The following TUBG1 variants were observed in gnomAD, a reference collection of about 807,000 sequenced individuals.
The protein encoded by TUBG1 is tubulin gamma-1 chain.
In TUBG1, 22 loss-of-function variants were observed where a neutral mutation model predicts 53.3. That is an observed-to-expected ratio of 0.41 (90% CI 0.29 to 0.59). TUBG1 has a LOEUF of 0.59. Ranked by LOEUF, TUBG1 falls within the 20% of genes least tolerant of loss-of-function variation. TUBG1 has a pLI of 0.26. For missense variants in TUBG1, 217 were observed against 598.9 expected (o/e 0.36, Z 6.66); for synonymous variants, 198 against 236.7 (o/e 0.84, Z 1.50).
intron 3 of TUBG1, among the ~76,000 whole-genome samples, 182 bp from the exon 4 acceptor site, chr17:42,611,893 T>C (rs1366887977): frequency 6.6e-6 from 1 of 152,190 alleles, no homozygotes; most frequent in Non-Finnish European, 1.5e-5. Context: ...CCAGGTAGTC[T>C]GGGTGTAGAG....
At position 42,610,503 on chromosome 17, in the gene TUBG1, C is replaced by A; in HGVS notation, c.243C>A (p.Pro81=). ...PRVIHSILNS[P]YAKLYNPENI... ...TGATCCACTCCATCCTCAACTCCCC[C>A]TATGCCAAGCTCTACAACCCAGAGA... is the stretch of plus-strand genomic sequence containing the variant. The change falls in exon 3 of 11, where the codon CCC becomes CCA. Residue 81 remains proline, a synonymous_variant. Coordinates refer to ENST00000251413, the MANE Select transcript of TUBG1 (RefSeq NM_001070.5). The A allele has an allele frequency of 6.2e-7, 1 of 1,613,986 alleles. No individual in the cohort carries two copies. Among genetic ancestry groups the A allele is most frequent in the Non-Finnish European group, 8.5e-7 (1 of 1,179,878 alleles).
intron 1 of TUBG1, 149 bp from the exon 2 acceptor site, chr17:42,609,959 C>G: frequency 7.8e-7 from 1 of 1,288,302 alleles, no homozygotes. Flanking sequence ...CTGCCCAGTC[C>G]CTGGCGTACA....
chr17:42,612,357 C>A, intron 4 of TUBG1, 70 bp from the exon 5 acceptor site: 1 of 1,554,206 alleles, frequency 6.4e-7, no homozygotes, highest in Non-Finnish European at 8.8e-7. Flanking sequence ...TCCTAAAAAA[C>A]TATGAGATGG....
At chr17:42,611,978 C>A in intron 3 of TUBG1, 97 bp from the exon 4 acceptor site, 1 of 1,099,320 alleles carries the variant, frequency 9.1e-7, no homozygotes, top group Non-Finnish European at 1.4e-6. Flanking sequence ...CATAAAAGGA[C>A]TTCTGGGTGT....
At position 42,614,840 on chromosome 17, in the gene TUBG1, C is replaced by T. The variant is rs547943769; in HGVS notation, c.1159-4C>T. 6.8e-5 allele frequency: 109 copies of T among 1,614,192 alleles called. 1 individual carries two copies. In the South Asian group the frequency reaches 1.1e-3, roughly 16 times the overall value. ...TGTAACCCCTGTTTTCTGCACACCC[C>T]AAGCTCTTCGAGAGAACCTGTCGCC... On this transcript the variant is annotated splice_region_variant and splice_polypyrimidine_tract_variant and intron_variant, in intron 10 of 10. Coordinates refer to ENST00000251413, the MANE Select transcript of TUBG1 (RefSeq NM_001070.5). This position sits in a 1 kb window ranked among gnomAD's most constrained non-coding sequence, Gnocchi z 5.1.
intron 2 of TUBG1, 56 bp from the exon 3 acceptor site, chr17:42,610,367 C>A: frequency 6.6e-7 from 1 of 1,512,770 alleles, no homozygotes; most frequent in South Asian, 1.2e-5. Flanking sequence ...GTTGGGAGGA[C>A]TTCGGACTTG....
intron 3 of TUBG1, among the ~76,000 whole-genome samples, 179 bp from the exon 4 acceptor site, chr17:42,611,896 G>A (rs746258309): frequency 6.6e-6 from 1 of 152,160 alleles, no homozygotes; most frequent in African/African-American, 2.4e-5. Flanking sequence ...GGTAGTCTGG[G>A]TGTAGAGTGC....
Position 42,612,060 on chromosome 17 carries a change from C to G in TUBG1, c.331-15C>G. 1.2e-6 allele frequency: 2 copies of G among 1,613,936 alleles called. No homozygotes were observed. Among genetic ancestry groups the G allele is most frequent in the Non-Finnish European group, 1.7e-6 (2 of 1,179,864 alleles). On this transcript the variant is annotated splice_polypyrimidine_tract_variant and intron_variant, in intron 3 of 10. Coordinates refer to ENST00000251413, the MANE Select transcript of TUBG1 (RefSeq NM_001070.5). ...TGGTTCTGTCCCACTCTGACCCTCCCCTATGTCTGTACAGGGAGAAAAGAT... is the reference window on the plus strand; with the variant it reads ...TGGTTCTGTCCCACTCTGACCCTCCGCTATGTCTGTACAGGGAGAAAAGAT...
intron 3 of TUBG1, among the ~76,000 whole-genome samples, chr17:42,611,760 G>A (rs556274226): frequency 6.6e-6 from 1 of 152,312 alleles, no homozygotes; most frequent in African/African-American, 2.4e-5. Flanking sequence ...GGAGGCTGAG[G>A]CAGGAGAATC....
In TUBG1 at chr17:42,614,977, T is replaced by C; in HGVS notation, c.1292T>C (p.Leu431Pro). 1 of 1,614,120 alleles carries C rather than the reference T, an allele frequency of 6.2e-7. No individual in the cohort carries two copies. Among genetic ancestry groups the C allele is most frequent in the Non-Finnish European group, 8.5e-7 (1 of 1,180,010 alleles). Residue 431 changes from leucine to proline, a missense_variant, in exon 11 of 11, where the codon CTC becomes CCC. By Grantham distance (98) the Leu-to-Pro change is moderately conservative (BLOSUM62 -3). This residue lies in a region of TUBG1 where 25 missense variants were observed against 32.4 expected (regional missense o/e 0.77). Transcript: ENST00000251413. This position sits in a 1 kb window ranked among gnomAD's most constrained non-coding sequence, Gnocchi z 5.1. Reference sequence around the variant, plus strand: ...ACATCCAGGGAGATTGTGCAGCAGCTCATCGATGAGTACCATGCGGCCACA... The same window carrying C: ...ACATCCAGGGAGATTGTGCAGCAGCCCATCGATGAGTACCATGCGGCCACA... ...MDTSREIVQQ[L>P]IDEYHAATRP... is the part of the protein sequence containing the mutation.
chr17:42,612,572 G>A, intron 5 of TUBG1, 66 bp downstream of exon 5: 1 of 1,436,834 alleles, frequency 7.0e-7, no homozygotes, highest in Non-Finnish European at 9.8e-7. Flanking sequence ...AGGGGACCCA[G>A]CAGATATAAC....
At position 42,614,458 on chromosome 17, in the gene TUBG1, A is replaced by G; in HGVS notation, c.997-38A>G. On this transcript the variant is annotated intron_variant, in intron 9 of 10. Coordinates refer to ENST00000251413, the MANE Select transcript of TUBG1 (RefSeq NM_001070.5). This position sits in a 1 kb window ranked among gnomAD's most constrained non-coding sequence, Gnocchi z 5.1. ...CCACACCCTGGACCTGCAGGGGTAG[A>G]GGAGAGGCCACCTCCACTGCTCCTA... 4 of 1,614,120 alleles carry G rather than the reference A, an allele frequency of 2.5e-6. No individual in the cohort carries two copies. Among genetic ancestry groups the G allele is most frequent in the Non-Finnish European group, 3.4e-6 (4 of 1,180,002 alleles).
Position 42,615,165 on chromosome 17 carries a change from G to A in TUBG1, c.*124G>A, listed in dbSNP as rs2052067093. The A allele has an allele frequency of 1.2e-6, 1 of 862,312 alleles. No homozygotes were observed. The highest frequency in any genetic ancestry group is 1.8e-6 in the Non-Finnish European group (1 of 555,440). 53.4% of individuals were successfully genotyped at this position (862,312 alleles called of 1,614,324 possible). A position where few individuals can be genotyped will look rare whatever the true frequency, so the allele number is the denominator to read the frequency against. On this transcript the variant is annotated 3_prime_UTR_variant, in exon 11 of 11. Transcript: ENST00000251413. Reference sequence around the variant, plus strand: ...TCTTTCTCATATACATGGACTCTCTGTTGGCCTGCAAACACATTTACTTCT... The same window carrying A: ...TCTTTCTCATATACATGGACTCTCTATTGGCCTGCAAACACATTTACTTCT...
chr17:42,612,731 G>T (rs1237510398), intron 5 of TUBG1, among the ~76,000 whole-genome samples: 1 of 152,122 alleles, frequency 6.6e-6, no homozygotes, highest in Non-Finnish European at 1.5e-5. Flanking sequence ...AGGGAGTGTG[G>T]CCAGGTCTCA....
intron 3 of TUBG1, 186 bp downstream of exon 3, chr17:42,610,776 C>A: frequency 1.3e-6 from 1 of 798,822 alleles, no homozygotes; most frequent in Non-Finnish European, 2.0e-6. Flanking sequence ...CCAGGTCATT[C>A]TAAGTGCTTT....
At position 42,613,837 on chromosome 17, in the gene TUBG1, G is replaced by A. The variant is rs1238665721; in HGVS notation, c.694-12G>A. ...CAGGCTGAGGCCCATAACATGGCAC[G>A]CCTGTCCCCAGGTGTCTACCATCAT... On this transcript the variant is annotated splice_polypyrimidine_tract_variant and intron_variant, in intron 7 of 10. Coordinates refer to ENST00000251413, the MANE Select transcript of TUBG1 (RefSeq NM_001070.5). 5.0e-6 allele frequency: 8 copies of A among 1,613,994 alleles called. No homozygotes were observed. Among genetic ancestry groups the A allele is most frequent in the African/African-American group, 4.0e-5 (3 of 74,890 alleles).
Position 42,614,729 on chromosome 17 carries a change from T to C in TUBG1, c.1158+72T>C, listed in dbSNP as rs902664545. The C allele has an allele frequency of 6.4e-5, 103 of 1,605,392 alleles. No individual in the cohort carries two copies. Among genetic ancestry groups the C allele is most frequent in the Non-Finnish European group, 8.1e-5 (95 of 1,174,678 alleles). Reference sequence around the variant, plus strand: ...CTATACCTCACCTCTCTGCATCTGCTGGCCCTGCTTCTAGCTTTTTTGCTG... The same window carrying C: ...CTATACCTCACCTCTCTGCATCTGCCGGCCCTGCTTCTAGCTTTTTTGCTG... On this transcript the variant is annotated intron_variant, in intron 10 of 10. Coordinates refer to ENST00000251413, the MANE Select transcript of TUBG1 (RefSeq NM_001070.5). The surrounding 1 kb of genome is among the most constrained non-coding windows in gnomAD (Gnocchi z 5.1).
rs2052067191 is a variant in TUBG1 at position 42,615,173 on chromosome 17, G to T, written c.*132G>T. The T allele has an allele frequency of 3.8e-6, 3 of 786,482 alleles. No homozygotes were observed. In the Admixed American group the frequency reaches 8.3e-5, roughly 22 times the overall value. The allele number at this position is 786,482 out of a possible 1,614,324, so 48.7% of individuals were successfully genotyped here. A position where few individuals can be genotyped will look rare whatever the true frequency, so the allele number is the denominator to read the frequency against. On this transcript the variant is annotated 3_prime_UTR_variant, in exon 11 of 11. Transcript: ENST00000251413. ...ATATACATGGACTCTCTGTTGGCCT[G>T]CAAACACATTTACTTCTCCTCTTAT...
intron 6 of TUBG1, 23 bp downstream of exon 6, chr17:42,613,096 C>T (rs2052048842): frequency 6.2e-7 from 1 of 1,612,452 alleles, no homozygotes; most frequent in Non-Finnish European, 8.5e-7. Context: ...TTCTACCTCT[C>T]CCAACTCTCA....
Sources: allele counts gnomAD v4.1 joint callset (sites outside exome capture counted in the v4.1 genomes callset), GRCh38; gene constraint gnomAD v4.1.1; regional missense constraint gnomAD v4.1.1; non-coding constraint Gnocchi (gnomAD v3.1); transcripts MANE v1.5; gene names NCBI Gene and HGNC (gene_info 2026-07-23, HGNC 2026-07-21).